CDIN1: variants seen among roughly 807,000 people sequenced by gnomAD.
CDIN1 encodes CDAN1 interacting nuclease 1.
In CDIN1, 33 loss-of-function variants were observed where a neutral mutation model predicts 45.3. The observed-to-expected ratio is 0.73, with a 90% confidence interval of 0.55 to 0.97. The LOEUF is 0.97. CDIN1 is among the 50% of genes least tolerant of loss of function. The probability of loss-of-function intolerance (pLI) is 0.00; values close to 1 mark genes in which losing one functional copy is unlikely to be tolerated. For missense variants in CDIN1, 303 were observed against 339.4 expected (o/e 0.89, Z 0.84); for synonymous variants, 118 against 124.4 (o/e 0.95, Z 0.34).
At chr15:36,628,410 T>C (rs1388658329) in intron 1 of CDIN1, among the ~76,000 whole-genome samples, 1 of 152,226 alleles carries the variant, frequency 6.6e-6, no homozygotes, top group East Asian at 1.9e-4. Flanking sequence ...TTCCTTTATA[T>C]GGATGTATCA....
rs187741886 is a variant in CDIN1, at chr15:36,639,654, T to C, written c.102-4624T>C. ...ACAACTGTTTACACAGCATTTACAC[T>C]GTAGTAGGTATTATCAGTAATCAAG... On this transcript the variant is annotated intron_variant, in intron 1 of 10. Coordinates refer to ENST00000566621, the MANE Select transcript of CDIN1 (RefSeq NM_001321759.2). 1.7e-3 allele frequency among the ~76,000 whole-genome samples: 253 copies of C among 152,196 alleles called. 2 individuals are homozygous for C. In the Middle Eastern group the frequency reaches 0.027, roughly 16 times the overall value.
intron 10 of CDIN1, among the ~76,000 whole-genome samples, chr15:36,800,984 C>T (rs956032031): frequency 7.6e-6 from 1 of 131,534 alleles, no homozygotes; most frequent in African/African-American, 2.7e-5. Context: ...GAGTTTATTT[C>T]CCTATGATTG....
At chr15:36,739,794 T>A (rs1468955653) in intron 10 of CDIN1, among the ~76,000 whole-genome samples, 1 of 152,228 alleles carries the variant, frequency 6.6e-6, no homozygotes, top group East Asian at 1.9e-4. Context: ...CTGAAAATTA[T>A]ACAAAAACCA....
intron 5 of CDIN1, among the ~76,000 whole-genome samples, chr15:36,659,263 A>G (rs922665758): frequency 1.4e-4 from 21 of 152,322 alleles, no homozygotes; most frequent in Admixed American, 2.6e-4. Context: ...ATTTATCTTT[A>G]TAACACTGGC....
intron 3 of CDIN1, among the ~76,000 whole-genome samples, chr15:36,652,039 T>C (rs1215356309): frequency 6.6e-6 from 1 of 152,206 alleles, no homozygotes; most frequent in Non-Finnish European, 1.5e-5. Flanking sequence ...CTGCTACTCT[T>C]TCACTGTTTG....
intron 1 of CDIN1, chr15:36,618,095 A>G: frequency 1.3e-6 from 1 of 741,840 alleles, no homozygotes; most frequent in Non-Finnish European, 2.5e-6. Flanking sequence ...TTACTTTGAA[A>G]CACCACTGGC....
Position 36,809,116 on chromosome 15 carries a change from T to TGAAA in CDIN1, c.*663_*664insGAAA, listed in dbSNP as rs2055324516. 1 of 336,558 alleles carries TGAAA rather than the reference T, an allele frequency of 3.0e-6. No individual in the cohort carries two copies. The highest frequency in any genetic ancestry group is 5.9e-6 in the Non-Finnish European group (1 of 169,840). The allele number at this position is 336,558 out of a possible 1,614,324, so 20.8% of individuals were successfully genotyped here. A position where few individuals can be genotyped will look rare whatever the true frequency, so the allele number is the denominator to read the frequency against. On this transcript the variant is annotated 3_prime_UTR_variant, in exon 11 of 11. Coordinates refer to ENST00000566621, the MANE Select transcript of CDIN1 (RefSeq NM_001321759.2). ...AGTGCAAAAATACACTTGATGAGAA[T>TGAAA]TTCCTCTTTTAATAATGTTATTTGA...
At chr15:36,663,158 A>G (rs941749707) in intron 5 of CDIN1, among the ~76,000 whole-genome samples, 6 of 152,138 alleles carry the variant, frequency 3.9e-5, no homozygotes, top group Non-Finnish European at 5.9e-5. Context: ...AGAGAACTCT[A>G]TGAACAAAGA....
At chr15:36,706,544 C>G (rs1410895786) in intron 8 of CDIN1, 1 of 151,086 alleles carries the variant, frequency 6.6e-6, no homozygotes, top group South Asian at 2.1e-4. Context: ...ACCCAAGAGA[C>G]GAAGGTTGCA....
intron 10 of CDIN1, among the ~76,000 whole-genome samples, chr15:36,755,080 T>A (rs975055299): frequency 6.6e-6 from 1 of 152,178 alleles, no homozygotes; most frequent in Non-Finnish European, 1.5e-5. Context: ...AAATTTTTCA[T>A]AGCAATATTG....
chr15:36,745,922 C>T (rs1029563373), intron 10 of CDIN1, among the ~76,000 whole-genome samples: 7 of 152,010 alleles, frequency 4.6e-5, no homozygotes, highest in Non-Finnish European at 1.0e-4. Context: ...GCCGAGATCA[C>T]GCCATTGCAC....
intron 10 of CDIN1, among the ~76,000 whole-genome samples, chr15:36,769,838 T>G (rs1566961893): frequency 6.6e-6 from 1 of 152,094 alleles, no homozygotes; most frequent in Non-Finnish European, 1.5e-5. Flanking sequence ...GGGGAAGGTG[T>G]TTGCTCTAAA....
intron 1 of CDIN1, among the ~76,000 whole-genome samples, chr15:36,612,268 T>G (rs142555819): frequency 6.4e-4 from 98 of 152,226 alleles, no homozygotes; most frequent in African/African-American, 2.3e-3. Flanking sequence ...TTCTCAGTCT[T>G]GCTGTCTGGA....
At chr15:36,679,934 A>C (rs2041791329) in intron 5 of CDIN1, among the ~76,000 whole-genome samples, 2 of 152,206 alleles carry the variant, frequency 1.3e-5, no homozygotes, top group South Asian at 4.1e-4. Context: ...CCACTGAGCC[A>C]AGGCCAAATT....
Position 36,709,881 on chromosome 15 carries a change from G to C in CDIN1, c.636G>C (p.Trp212Cys). Residue 212 changes from tryptophan to cysteine, a missense_variant, in exon 10 of 11, where the codon TGG becomes TGC. Trp to Cys is a radical substitution (Grantham distance 215, BLOSUM62 -2). Coordinates refer to ENST00000566621, the MANE Select transcript of CDIN1 (RefSeq NM_001321759.2). ...CTGTAGAAGGGCACATAATTCACTGGATTGAAAGCAAAGCCTCATTTGGTG... is the reference window on the plus strand; with the variant it reads ...CTGTAGAAGGGCACATAATTCACTGCATTGAAAGCAAAGCCTCATTTGGTG... ...PVAVEGHIIH[W>C]IESKASFGDE... is the part of the protein sequence containing the mutation. 1 of 1,613,326 alleles carries C rather than the reference G, an allele frequency of 6.2e-7. No individual in the cohort carries two copies. Among genetic ancestry groups the C allele is most frequent in the Non-Finnish European group, 8.5e-7 (1 of 1,179,460 alleles).
At chr15:36,749,802 C>G (rs1488714624) in intron 10 of CDIN1, among the ~76,000 whole-genome samples, 1 of 152,108 alleles carries the variant, frequency 6.6e-6, no homozygotes, top group Non-Finnish European at 1.5e-5. Flanking sequence ...GTTATTTTCA[C>G]CAGGCCATTG....
At chr15:36,598,754 A>G (rs1179540293) in intron 1 of CDIN1, among the ~76,000 whole-genome samples, 2 of 143,926 alleles carry the variant, frequency 1.4e-5, no homozygotes, top group African/African-American at 5.2e-5. Flanking sequence ...TCCTTTCCTC[A>G]TCTGTCCATC....
chr15:36,738,043 C>G (rs2044096216), intron 10 of CDIN1, among the ~76,000 whole-genome samples: 1 of 152,172 alleles, frequency 6.6e-6, no homozygotes, highest in South Asian at 2.1e-4. Flanking sequence ...ACCATTCCTT[C>G]TCAATCTCCA....
Position 36,704,679 on chromosome 15 carries a change from T to C in CDIN1, c.545-4544T>C, listed in dbSNP as rs560144485. On this transcript the variant is annotated intron_variant, in intron 8 of 10. Coordinates refer to ENST00000566621, the MANE Select transcript of CDIN1 (RefSeq NM_001321759.2). ...TTGCCCTCCCCCAATTTAGTAAAGATGCACTAGGTGTTAATAATATTCTTC... is the reference window on the plus strand; with the variant it reads ...TTGCCCTCCCCCAATTTAGTAAAGACGCACTAGGTGTTAATAATATTCTTC... 4.6e-5 allele frequency: 7 copies of C among 152,200 alleles called. No homozygotes were observed. In the East Asian group the frequency reaches 1.3e-3, roughly 29 times the overall value. The allele number at this position is 152,200 out of a possible 1,614,324, so 9.4% of individuals were successfully genotyped here.
Sources: allele counts gnomAD v4.1 joint callset (sites outside exome capture counted in the v4.1 genomes callset), GRCh38; gene constraint gnomAD v4.1.1; transcripts MANE v1.5; gene names NCBI Gene and HGNC (gene_info 2026-07-23, HGNC 2026-07-21).